The following GRM8 variants were observed in gnomAD, a reference collection of about 807,000 sequenced individuals.
GRM8 encodes glutamate metabotropic receptor 8, also known as metabotropic glutamate receptor 8.
In GRM8, 47 loss-of-function variants were observed where a neutral mutation model predicts 87.2. That is an observed-to-expected ratio of 0.54 (90% CI 0.43 to 0.69). The LOEUF is 0.69. Among genes scored for constraint, GRM8 ranks in the 30% least tolerant of loss-of-function variants. The probability of loss-of-function intolerance (pLI) is 0.00; values close to 1 mark genes in which losing one functional copy is unlikely to be tolerated. For missense variants in GRM8, 1,019 were observed against 1,139.2 expected, an observed-to-expected ratio of 0.89 and a Z score of 1.52; for synonymous variants, 396 against 404.5, an observed-to-expected ratio of 0.98 and a Z score of 0.25.
At chr7:126,588,764 A>G (rs1277266547) in intron 8 of GRM8, among the ~76,000 whole-genome samples, 3 of 152,178 alleles carry the variant, frequency 2.0e-5, no homozygotes, top group African/African-American at 7.2e-5. Context: ...AAGGAAGCAG[A>G]TTGCTCCTGC....
intron 9 of GRM8, among the ~76,000 whole-genome samples, chr7:126,463,752 C>A (rs1193581077): frequency 6.6e-6 from 1 of 151,568 alleles, no homozygotes; most frequent in Non-Finnish European, 1.5e-5. Context: ...ATGTCAGCAG[C>A]TTTGCACTTG....
intron 7 of GRM8, among the ~76,000 whole-genome samples, chr7:126,704,276 T>C (rs966205171): frequency 8.5e-5 from 13 of 152,190 alleles, no homozygotes; most frequent in Non-Finnish European, 1.5e-4. Context: ...CATGGACACT[T>C]ATCACTTCCC....
intron 7 of GRM8, among the ~76,000 whole-genome samples, chr7:126,674,877 A>G (rs555196476): frequency 1.9e-4 from 29 of 152,342 alleles, no homozygotes; most frequent in African/African-American, 6.7e-4. Flanking sequence ...AGAGAGCTAA[A>G]GTACATAGAC....
chr7:127,015,008 AAGAAG>A (rs1815309087), intron 3 of GRM8, among the ~76,000 whole-genome samples: 3 of 51,814 alleles, frequency 5.8e-5, no homozygotes. Flanking sequence ...AAGAAAGAAG[AAGAAG>A]AAGAAGAAGA....
At chr7:126,516,344 T>C (rs1389342307) in intron 9 of GRM8, among the ~76,000 whole-genome samples, 1 of 152,076 alleles carries the variant, frequency 6.6e-6, no homozygotes, top group Non-Finnish European at 1.5e-5. Context: ...TAGGAAACCC[T>C]GAACATTGTT....
chr7:127,099,647 A>C (rs1235342422), intron 3 of GRM8, among the ~76,000 whole-genome samples: 1 of 152,196 alleles, frequency 6.6e-6, no homozygotes, highest in Non-Finnish European at 1.5e-5. Context: ...GCTATATTAC[A>C]GGCTTCTCCA....
intron 9 of GRM8, among the ~76,000 whole-genome samples, chr7:126,483,741 T>TCCC (rs1563057603): frequency 3.5e-5 from 2 of 57,280 alleles, no homozygotes; most frequent in Non-Finnish European, 6.5e-5. Flanking sequence ...CCCTTAGTAT[T>TCCC]TCCCTCCCTC....
At chr7:126,566,865 C>T (rs186571906) in intron 8 of GRM8, among the ~76,000 whole-genome samples, 15 of 152,016 alleles carry the variant, frequency 9.9e-5, no homozygotes, top group Admixed American at 9.2e-4. Context: ...GAGGAAATTC[C>T]GCAATATGTG....
chr7:126,637,080 T>C (rs1190785271), intron 7 of GRM8, among the ~76,000 whole-genome samples: 1 of 152,086 alleles, frequency 6.6e-6, no homozygotes, highest in Non-Finnish European at 1.5e-5. Flanking sequence ...GTCAAGTTCA[T>C]TGATTGTATA....
In GRM8 at chr7:126,755,352, T is replaced by C. The variant is rs78282992; in HGVS notation, c.1357+14513A>G. The stretch of plus-strand genomic sequence containing the variant: ...AGTTTATCTAGAAGGATCAGAGAGA[T>C]ATACCCAAGTAATTCTTATTTAAAT... On this transcript the variant is annotated intron_variant, in intron 7 of 10. Transcript: ENST00000339582. Among the ~76,000 whole-genome samples, 899 of 152,092 alleles carry C rather than the reference T, an allele frequency of 5.9e-3. 8 individuals carry two copies. Among genetic ancestry groups the C allele is most frequent in the African/African-American group, 0.02 (837 of 41,570 alleles).
intron 6 of GRM8, among the ~76,000 whole-genome samples, chr7:126,815,527 A>G (rs185721374): frequency 4.4e-4 from 67 of 152,208 alleles, no homozygotes; most frequent in Non-Finnish European, 6.6e-4. Context: ...TCATTGCTCT[A>G]ATTTCTTGTT....
At position 126,772,539 on chromosome 7, in the gene GRM8, C is replaced by T. The variant is rs531334348; in HGVS notation, c.1157-2474G>A. Among the ~76,000 whole-genome samples the T allele has an allele frequency of 5.0e-4, 76 of 152,204 alleles. 1 individual carries two copies. The highest frequency in any genetic ancestry group is 1.5e-4 in the Non-Finnish European group (10 of 67,996). On this transcript the variant is annotated intron_variant, in intron 6 of 10. Transcript: ENST00000339582. ...AACAACTCGCCAAGAGATTCTGGTG[C>T]AACCAGCTGAGTCTGTGGGCCAGCT...
intron 8 of GRM8, among the ~76,000 whole-genome samples, chr7:126,536,476 G>C (rs59487047): frequency 0.018 from 2,742 of 152,214 alleles, 76 homozygotes; most frequent in African/African-American, 0.062. Flanking sequence ...CAGGGCATTT[G>C]AGACTATTAG....
At chr7:127,237,302 C>G (rs1023499513) in intron 2 of GRM8, among the ~76,000 whole-genome samples, 3 of 152,170 alleles carry the variant, frequency 2.0e-5, no homozygotes, top group Non-Finnish European at 4.4e-5. Flanking sequence ...TGAGATTGAA[C>G]ATGAAATTTA....
intron 6 of GRM8, among the ~76,000 whole-genome samples, chr7:126,861,587 A>G (rs991233591): frequency 6.6e-6 from 1 of 151,128 alleles, no homozygotes; most frequent in Admixed American, 6.6e-5. Flanking sequence ...TTTTTTTCTT[A>G]CCTGATGAGA....
chr7:126,671,596 C>T (rs1300673466), intron 7 of GRM8, among the ~76,000 whole-genome samples: 5 of 152,174 alleles, frequency 3.3e-5, no homozygotes, highest in Non-Finnish European at 7.3e-5. Context: ...TGTGAACCAA[C>T]CACTGATCCC....
At chr7:126,899,017 TAAA>T (rs376097799) in intron 6 of GRM8, among the ~76,000 whole-genome samples, 1 of 135,882 alleles carries the variant, frequency 7.4e-6, no homozygotes, top group Non-Finnish European at 1.6e-5. Flanking sequence ...CTTACGAGTG[TAAA>T]AAAAAAAAAA....
At chr7:126,966,208 C>A (rs1809844961) in intron 3 of GRM8, among the ~76,000 whole-genome samples, 1 of 152,060 alleles carries the variant, frequency 6.6e-6, no homozygotes. Context: ...GATCTTGGTT[C>A]ACTGCAACTT....
At chr7:126,622,442 C>T (rs897522521) in intron 7 of GRM8, among the ~76,000 whole-genome samples, 1 of 152,078 alleles carries the variant, frequency 6.6e-6, no homozygotes, top group Non-Finnish European at 1.5e-5. Context: ...TTGCTTCATA[C>T]GTTTCCACTG....
Sources: gnomAD v4.1 joint callset for allele counts (sites outside exome capture counted in the v4.1 genomes callset) on GRCh38, gnomAD v4.1.1 for gene constraint, MANE v1.5 for transcripts, NCBI Gene and HGNC (gene_info 2026-07-23, HGNC 2026-07-21) for gene names.